The following FRMD1 variants were observed in gnomAD, a reference collection of about 807,000 sequenced individuals.
The protein encoded by FRMD1 is FERM domain-containing protein 1.
In FRMD1, 51 loss-of-function variants were observed where a neutral mutation model predicts 54.9. That is an observed-to-expected ratio of 0.93 (90% CI 0.74 to 1.17). The LOEUF is 1.17. FRMD1 is among the 50% of genes most tolerant of loss of function. The pLI is 0.00. For missense variants in FRMD1, 729 were observed against 743.0 expected, an observed-to-expected ratio of 0.98 and a Z score of 0.22; for synonymous variants, 324 against 306.4, an observed-to-expected ratio of 1.06 and a Z score of -0.60.
Position 168,057,229 on chromosome 6 carries a change from G to A in FRMD1, c.1518C>T (p.Thr506=), listed in dbSNP as rs910705854. Residue 506 remains threonine (T), a synonymous_variant, in exon 11 of 11, where the codon ACC becomes ACT. Coordinates refer to ENST00000283309, the MANE Select transcript of FRMD1 (RefSeq NM_024919.6). The part of the protein sequence containing the change: ...LHPAPTSLSH[T]FHRALDCRLA... The stretch of plus-strand genomic sequence containing the variant: ...GCCTGCAGTCCAGGGCGCGGTGGAA[G>A]GTATGGCTGAGTGAGGTGGGCGCTG... The A allele has an allele frequency of 5.0e-6, 8 of 1,610,046 alleles. No homozygotes were observed. The highest frequency in any genetic ancestry group is 1.7e-5 in the Admixed American group (1 of 59,648).
chr6:168,084,761 C>A (rs1218568409), upstream of FRMD1, among the ~76,000 whole-genome samples: 2 of 152,202 alleles, frequency 1.3e-5, no homozygotes, highest in Non-Finnish European at 2.9e-5. Flanking sequence ...TGTTATCCTC[C>A]CAAGACCAAG....
rs115523272 is a variant in FRMD1, at chr6:168,071,281, C to A, written c.305-3835G>T. On this transcript the variant is annotated intron_variant, in intron 2 of 10. Transcript: ENST00000283309. ...ATCTCTTGTTTTTTGCTACAGGCCT[C>A]AAAAATGTACACAATTCACAAAATG... Among the ~76,000 whole-genome samples, 1,056 of 152,336 alleles carry A rather than the reference C, an allele frequency of 6.9e-3. 13 individuals are homozygous for A. The highest frequency in any genetic ancestry group is 0.024 in the African/African-American group (985 of 41,580).
upstream of FRMD1, among the ~76,000 whole-genome samples, chr6:168,084,358 T>C (rs1054645606): frequency 1.3e-5 from 2 of 152,224 alleles, no homozygotes; most frequent in African/African-American, 4.8e-5. Flanking sequence ...GGACAGTGTA[T>C]TTGTGTGTCT....
chr6:168,075,862 T>G, intron 1 of FRMD1: 1 of 1,416,750 alleles, frequency 7.1e-7, no homozygotes, highest in Non-Finnish European at 9.5e-7. Context: ...CGTGTCCACA[T>G]TTCCGGTGCC....
At chr6:168,065,166 C>G in intron 4 of FRMD1, 109 bp from the exon 5 acceptor site, 1 of 1,447,542 alleles carries the variant, frequency 6.9e-7, no homozygotes, top group Non-Finnish European at 9.1e-7. Flanking sequence ...GTCCTGAGCC[C>G]CTGGTACCTA....
At chr6:168,074,243 G>A (rs995633197) in intron 2 of FRMD1, among the ~76,000 whole-genome samples, 4 of 152,222 alleles carry the variant, frequency 2.6e-5, no homozygotes, top group South Asian at 2.1e-4. Flanking sequence ...TCCACCTGCC[G>A]TCTGCGTGTA....
chr6:168,067,490 T>C, intron 2 of FRMD1, 44 bp from the exon 3 acceptor site: 1 of 1,225,772 alleles, frequency 8.2e-7, no homozygotes, highest in South Asian at 1.3e-5. Context: ...TCACCATGCT[T>C]CTCAGGTGTC....
rs758660566 is a variant in FRMD1, at chr6:168,057,107, A to G, written c.1640T>C (p.Phe547Ser). 2.7e-6 allele frequency: 4 copies of G among 1,480,078 alleles called. No homozygotes were observed. The South Asian group carries it at 4.2e-5, about 16-fold the overall frequency. 91.7% of individuals were successfully genotyped at this position (1,480,078 alleles called of 1,614,324 possible). A position where few individuals can be genotyped will look rare whatever the true frequency, so the allele number is the denominator to read the frequency against. ...DLFGEAPPQE[F>S]VV is the part of the protein sequence containing the mutation. ...CTGGGTGGGTGGTGCCTACACCACAAACTCCTGTGGTGGAGCCTCTCCGAA... is the reference window on the plus strand; with the variant it reads ...CTGGGTGGGTGGTGCCTACACCACAGACTCCTGTGGTGGAGCCTCTCCGAA... The change falls in exon 11 of 11, where the codon TTT becomes TCT. Residue 547 changes from phenylalanine to serine, a missense_variant. Phe to Ser is a radical substitution (Grantham distance 155, BLOSUM62 -2). Transcript: ENST00000283309.
chr6:168,075,381 C>A, intron 1 of FRMD1, 46 bp from the exon 2 acceptor site: 2 of 1,522,158 alleles, frequency 1.3e-6, no homozygotes, highest in Non-Finnish European at 1.8e-6. Flanking sequence ...CGGCACCTGT[C>A]CCCAGGGAGG....
intron 2 of FRMD1, among the ~76,000 whole-genome samples, chr6:168,071,355 A>G (rs1185723326): frequency 1.3e-5 from 2 of 152,240 alleles, no homozygotes; most frequent in Admixed American, 1.3e-4. Flanking sequence ...TAAAGTAAGA[A>G]ATCCAAGCAC....
In FRMD1 at chr6:168,059,016, G is replaced by T. The variant is rs1799569600; in HGVS notation, c.1407+108C>A. On this transcript the variant is annotated intron_variant, in intron 10 of 10. Transcript: ENST00000283309. The surrounding 1 kb of genome is among the most constrained non-coding windows in gnomAD (Gnocchi z 4.4). ...TGCGTCTCTGGGGATGTCAGTCGAG[G>T]GACCCTCTGATAGGCCTAGGAAGGT... is the stretch of plus-strand genomic sequence containing the variant. The T allele has an allele frequency of 8.5e-6, 7 of 822,684 alleles. No individual in the cohort carries two copies. The highest frequency in any genetic ancestry group is 2.6e-5 in the Admixed American group (1 of 38,736). The allele number at this position is 822,684 out of a possible 1,614,324, so 51.0% of individuals were successfully genotyped here.
upstream of FRMD1, among the ~76,000 whole-genome samples, chr6:168,086,077 C>T (rs1013001958): frequency 9.9e-5 from 15 of 152,264 alleles, no homozygotes; most frequent in Admixed American, 2.6e-4. Flanking sequence ...ATGCTGCCTG[C>T]CTTCCGGCCC....
intron 1 of FRMD1, among the ~76,000 whole-genome samples, chr6:168,086,820 G>GC (rs796182686): frequency 7.9e-5 from 12 of 152,360 alleles, no homozygotes; most frequent in African/African-American, 2.4e-4. Flanking sequence ...AACTGTGGGG[G>GC]CCGGGGTGAA....
intron 4 of FRMD1, chr6:168,065,464 C>T (rs1022057293): frequency 2.0e-6 from 2 of 1,000,684 alleles, no homozygotes; most frequent in African/African-American, 1.7e-5. Flanking sequence ...CAGAGCTCAC[C>T]GCCCAGCACG....
In FRMD1 at chr6:168,089,188, G is replaced by T. The variant is rs1253386288; in HGVS notation, c.-11-10164C>A. On this transcript the variant is annotated intron_variant, in intron 1 of 12. Transcript: ENST00000644440. Reference sequence around the variant, plus strand: ...TCAAACCCAATCAGCCTCCGCCAGTGGTTCCCTGGGGGTCCCTGGATTTCT... The same window carrying T: ...TCAAACCCAATCAGCCTCCGCCAGTTGTTCCCTGGGGGTCCCTGGATTTCT... 2.0e-5 allele frequency among the ~76,000 whole-genome samples: 3 copies of T among 152,230 alleles called. No individual in the cohort carries two copies. The South Asian group carries it at 6.2e-4, about 32-fold the overall frequency.
intron 4 of FRMD1, chr6:168,065,511 CA>C: frequency 2.0e-6 from 2 of 991,098 alleles, no homozygotes; most frequent in Non-Finnish European, 2.4e-6. Context: ...AATCACAGGC[CA>C]GGTGGAGGCT....
chr6:168,057,222 G>T lies in FRMD1; in HGVS notation c.1525C>A (p.Arg509Ser). 6.2e-7 allele frequency: 1 copy of T among 1,609,288 alleles called. No individual in the cohort carries two copies. Among genetic ancestry groups the T allele is most frequent in the Non-Finnish European group, 8.5e-7 (1 of 1,178,094 alleles). Reference sequence around the variant, plus strand: ...CCTGCCAGCCTGCAGTCCAGGGCGCGGTGGAAGGTATGGCTGAGTGAGGTG... The same window carrying T: ...CCTGCCAGCCTGCAGTCCAGGGCGCTGTGGAAGGTATGGCTGAGTGAGGTG... ...APTSLSHTFH[R>S]ALDCRLAGPC... The change falls in exon 11 of 11, where the codon CGC (arginine) becomes AGC (serine). Residue 509 changes from arginine to serine, a missense_variant. By Grantham distance (110) the Arg-to-Ser change is moderately radical. Transcript: ENST00000283309.
rs1562414095 is a variant in FRMD1 at position 168,064,857 on chromosome 6, G to A, written c.648+14C>T. 1 of 1,546,068 alleles carries A rather than the reference G, an allele frequency of 6.5e-7. No individual in the cohort carries two copies. On this transcript the variant is annotated intron_variant, in intron 5 of 10. Transcript: ENST00000283309. The stretch of plus-strand genomic sequence containing the variant: ...AGACTAGCAGTGCTGGGAGGAGGTG[G>A]GCCCTGACCTTACCCACTGTGGGAA...
At chr6:168,065,079 G>C in intron 4 of FRMD1, 22 bp from the exon 5 acceptor site, 1 of 1,586,062 alleles carries the variant, frequency 6.3e-7, no homozygotes, top group Non-Finnish European at 8.6e-7. Flanking sequence ...CAGGGAGTGA[G>C]TTCCAGGACG....
Sources: gnomAD v4.1 joint callset for allele counts (sites outside exome capture counted in the v4.1 genomes callset) on GRCh38, gnomAD v4.1.1 for gene constraint, Gnocchi (gnomAD v3.1) non-coding constraint, MANE v1.5 for transcripts, NCBI Gene and HGNC (gene_info 2026-07-23, HGNC 2026-07-21) for gene names.